ABCA12: variants seen among roughly 807,000 people sequenced by gnomAD.
The protein encoded by ABCA12 is ATP binding cassette subfamily A member 12.
In ABCA12, 156 loss-of-function variants were observed where a neutral mutation model predicts 293.5. The ratio of observed to expected loss-of-function variants is 0.53; its 90% CI spans 0.47 to 0.61. ABCA12 has a LOEUF of 0.61. ABCA12 is among the 20% of genes least tolerant of loss of function. The pLI is 0.00. For synonymous variants in ABCA12, 1,063 were observed against 1,108.0 expected (o/e 0.96, Z 0.81); for missense variants, 2,797 against 3,090.2 (o/e 0.91, Z 2.25).
At chr2:215,065,764 T>G (rs1701629364) in intron 2 of ABCA12, among the ~76,000 whole-genome samples, 1 of 152,112 alleles carries the variant, frequency 6.6e-6, no homozygotes, top group Non-Finnish European at 1.5e-5. Flanking sequence ...GCTTCTGACC[T>G]CCAGAACTGT....
intron 2 of ABCA12, among the ~76,000 whole-genome samples, chr2:215,070,403 T>TATA (rs1701714116): frequency 6.6e-6 from 1 of 152,086 alleles, no homozygotes. Context: ...TTATTATTAT[T>TATA]ATACTTTAAG....
chr2:214,966,349 C>G (rs1460129116), intron 39 of ABCA12, among the ~76,000 whole-genome samples: 2 of 152,096 alleles, frequency 1.3e-5, no homozygotes, highest in African/African-American at 4.8e-5. Context: ...ACATGTTTAC[C>G]TATGTAACAA....
rs532772298 is a variant in ABCA12 at position 215,046,478 on chromosome 2, AAATAT to A, written c.694-468_694-464del. On this transcript the variant is annotated intron_variant, in intron 6 of 52. Transcript: ENST00000272895. ...ACGGATAGATTTTTATATATATATA[AAATAT>A]AATATAATATAATATATATAAGAGC... Among the ~76,000 whole-genome samples, 962 of 147,534 alleles carry A rather than the reference AAATAT, an allele frequency of 6.5e-3. 11 individuals are homozygous for A. Among genetic ancestry groups the A allele is most frequent in the African/African-American group, 0.022 (892 of 40,660 alleles).
At chr2:215,053,300 C>A (rs912426387) in intron 4 of ABCA12, among the ~76,000 whole-genome samples, 1 of 152,046 alleles carries the variant, frequency 6.6e-6, no homozygotes, top group Non-Finnish European at 1.5e-5. Context: ...ATACAGAAGT[C>A]TTTTGTCATC....
intron 2 of ABCA12, among the ~76,000 whole-genome samples, chr2:215,084,358 A>C (rs1701999977): frequency 6.6e-6 from 1 of 152,180 alleles, no homozygotes; most frequent in Admixed American, 6.5e-5. Context: ...CCCCACCAAA[A>C]AAGTGCAAAT....
chr2:215,019,673 G>C lies in ABCA12; in HGVS notation c.1411C>G (p.Leu471Val). ...GSLCEESEFD[L>V]QLLEAAELGT... ...AGCTCTGCCGCTTCGAGGAGTTGCAGATCAAACTCACTTTCTTCACACAGG... is the reference window on the plus strand; with the variant it reads ...AGCTCTGCCGCTTCGAGGAGTTGCACATCAAACTCACTTTCTTCACACAGG... The change falls in exon 12 of 53, where the codon CTG (leucine) becomes GTG (valine). Residue 471 changes from leucine (L) to valine (V), a missense_variant. Physicochemically the swap from Leu to Val is conservative, Grantham distance 32. Transcript: ENST00000272895. 1 of 1,614,154 alleles carries C rather than the reference G, an allele frequency of 6.2e-7. No individual in the cohort carries two copies. The highest frequency in any genetic ancestry group is 8.5e-7 in the Non-Finnish European group (1 of 1,180,036).
intron 19 of ABCA12, among the ~76,000 whole-genome samples, chr2:215,007,025 G>T (rs577950636): frequency 1.3e-5 from 2 of 151,898 alleles, no homozygotes; most frequent in South Asian, 2.1e-4. Context: ...ACAGGCGCCC[G>T]CCACCACATC....
At chr2:215,046,909 A>G (rs1451387027) in intron 6 of ABCA12, among the ~76,000 whole-genome samples, 16 of 152,154 alleles carry the variant, frequency 1.1e-4, no homozygotes. Context: ...AAGGAATGAG[A>G]TCATGTCCTT....
intron 47 of ABCA12, 149 bp downstream of exon 47, chr2:214,948,447 G>GC: frequency 1.2e-6 from 1 of 805,128 alleles, no homozygotes; most frequent in Non-Finnish European, 2.0e-6. Context: ...CACTGCCATT[G>GC]CCACTGCCAG....
intron 7 of ABCA12, 100 bp from the exon 8 acceptor site, chr2:215,037,165 CT>C: frequency 2.3e-6 from 2 of 883,952 alleles, no homozygotes; most frequent in Non-Finnish European, 3.7e-6. Context: ...ATAAATTATT[CT>C]TATAATATAA....
intron 11 of ABCA12, among the ~76,000 whole-genome samples, chr2:215,021,283 G>A (rs754779624): frequency 6.6e-5 from 10 of 152,146 alleles, no homozygotes; most frequent in South Asian, 2.1e-4. Context: ...TGTCTGCACC[G>A]TTATTGACGT....
At chr2:215,036,411 C>A (rs944575705) in intron 8 of ABCA12, among the ~76,000 whole-genome samples, 2 of 152,184 alleles carry the variant, frequency 1.3e-5, no homozygotes, top group Non-Finnish European at 2.9e-5. Context: ...GTTAACCAAA[C>A]TTGGCAAGTA....
At chr2:215,085,135 T>C (rs182364516) in intron 2 of ABCA12, among the ~76,000 whole-genome samples, 2 of 150,102 alleles carry the variant, frequency 1.3e-5, no homozygotes, top group East Asian at 3.9e-4. Context: ...AAAAAACACA[T>C]TGTTGACTAA....
intron 23 of ABCA12, 71 bp downstream of exon 23, chr2:214,997,624 G>C (rs1700062836): frequency 3.5e-6 from 4 of 1,149,234 alleles, no homozygotes; most frequent in Non-Finnish European, 3.9e-6. Context: ...GTTTATAAAG[G>C]CATGATGAAA....
chr2:215,130,844 T>C (rs1164538201), intron 1 of ABCA12, among the ~76,000 whole-genome samples: 1 of 152,186 alleles, frequency 6.6e-6, no homozygotes, highest in African/African-American at 2.4e-5. Context: ...TGTTTCAACT[T>C]TTCCCCATTC....
At chr2:215,080,836 G>T (rs1483102979) in intron 2 of ABCA12, 1 of 152,762 alleles carries the variant, frequency 6.5e-6, no homozygotes, top group African/African-American at 2.4e-5. Context: ...CTATTTTCCT[G>T]CTTGCTGCAG....
rs376465039 is a variant in ABCA12, at chr2:214,956,724, A to G, written c.6172T>C (p.Leu2058=). The change falls in exon 42 of 53, where the codon TTA becomes CTA. Residue 2058 remains leucine, a synonymous_variant. Coordinates refer to ENST00000272895, the MANE Select transcript of ABCA12 (RefSeq NM_173076.3). ...FSIGIIAIFK[L]PAFYSENNLG... ...TTGTTTTCACTGTAGAATGCAGGTAATTTGAAAATCGCAATGATACCAATT... is the reference window on the plus strand; with the variant it reads ...TTGTTTTCACTGTAGAATGCAGGTAGTTTGAAAATCGCAATGATACCAATT... 1.9e-6 allele frequency: 3 copies of G among 1,613,702 alleles called. No homozygotes were observed. In the African/African-American group the frequency reaches 4.0e-5, roughly 22 times the overall value.
chr2:215,105,875 C>T (rs1006429846), intron 2 of ABCA12, among the ~76,000 whole-genome samples: 1 of 152,066 alleles, frequency 6.6e-6, no homozygotes, highest in Non-Finnish European at 1.5e-5. Context: ...CTGGATTGGG[C>T]AATCCACAGC....
chr2:215,054,751 T>C, intron 3 of ABCA12, 87 bp from the exon 4 acceptor site: 1 of 998,374 alleles, frequency 1.0e-6, no homozygotes, highest in East Asian at 2.5e-5. Context: ...TCCAGGGCTG[T>C]CTGAGGACTT....
Sources: allele counts gnomAD v4.1 joint callset (sites outside exome capture counted in the v4.1 genomes callset), GRCh38; gene constraint gnomAD v4.1.1; transcripts MANE v1.5; gene names NCBI Gene and HGNC (gene_info 2026-07-23, HGNC 2026-07-21).